DYNC1H1: variants seen among roughly 807,000 people sequenced by gnomAD.
DYNC1H1 encodes cytoplasmic dynein 1 heavy chain 1.
In DYNC1H1, 51 loss-of-function variants were observed where a neutral mutation model predicts 527.1. That is an observed-to-expected ratio of 0.10 (90% CI 0.08 to 0.12). DYNC1H1 has a LOEUF of 0.12. DYNC1H1 is among the 10% of genes least tolerant of loss of function. The pLI is 1.00. For synonymous variants in DYNC1H1, 2,189 were observed against 2,278.8 expected, an observed-to-expected ratio of 0.96 and a Z score of 1.12; for missense variants, 2,771 against 5,971.8, an observed-to-expected ratio of 0.46 and a Z score of 17.66.
rs2047796189 is a variant in DYNC1H1 at position 101,976,015 on chromosome 14, C to G, written c.344+216C>G. The stretch of plus-strand genomic sequence containing the variant: ...CTCTGCCTCCCGGGTTCAAGCAATT[C>G]TCCTGCCTCAGCCTTCCAGGTAGCT... On this transcript the variant is annotated intron_variant, in intron 2 of 77. Coordinates refer to ENST00000360184, the MANE Select transcript of DYNC1H1 (RefSeq NM_001376.5). Among the ~76,000 whole-genome samples the G allele has an allele frequency of 2.0e-5, 3 of 151,188 alleles. No individual in the cohort carries two copies. In the South Asian group the frequency reaches 6.3e-4, roughly 32 times the overall value.
In DYNC1H1 at chr14:102,048,570, C is replaced by G. The variant is rs1364644418; in HGVS notation, c.13273C>G (p.Gln4425Glu). Residue 4425 changes from glutamine (Q) to glutamate (E), a missense_variant, in exon 74 of 78, where the codon CAG (glutamine) becomes GAG (glutamate). Coordinates refer to ENST00000360184, the MANE Select transcript of DYNC1H1 (RefSeq NM_001376.5). The part of the protein sequence containing the change: ...REVKMGAKLL[Q>E]DVRQDLADVV... ...AGTGAAGATGGGCGCAAAGCTGCTT[C>G]AGGACGTTCGCCAGGACCTTGCAGA... 1 of 1,614,112 alleles carries G rather than the reference C, an allele frequency of 6.2e-7. No individual in the cohort carries two copies. Among genetic ancestry groups the G allele is most frequent in the Non-Finnish European group, 8.5e-7 (1 of 1,180,054 alleles).
At chr14:102,040,935 G>T in intron 64 of DYNC1H1, 1 of 540,700 alleles carries the variant, frequency 1.8e-6, no homozygotes, top group East Asian at 3.3e-5. Context: ...TCCAGCCTGG[G>T]CAGCAGACAG....
chr14:101,964,996 G>C lies in DYNC1H1; in HGVS notation c.256+49G>C. 6.5e-7 allele frequency: 1 copy of C among 1,549,956 alleles called. No homozygotes were observed. The highest frequency in any genetic ancestry group is 1.2e-5 in the South Asian group (1 of 84,822). On this transcript the variant is annotated intron_variant, in intron 1 of 77. Coordinates refer to ENST00000360184, the MANE Select transcript of DYNC1H1 (RefSeq NM_001376.5). This position sits in a 1 kb window ranked among gnomAD's most constrained non-coding sequence, Gnocchi z 5.5. The stretch of plus-strand genomic sequence containing the variant: ...TCGCCAGAGCCAGGCCTCGCGGAAT[G>C]CAGGGCCTGCCAGGTCCTCCGGGGT...
At position 102,048,600 on chromosome 14, in the gene DYNC1H1, G is replaced by T; in HGVS notation, c.13303G>T (p.Val4435Phe). ...QDVRQDLADV[V>F]QVCEGKKKQT... The stretch of plus-strand genomic sequence containing the variant: ...CGTTCGCCAGGACCTTGCAGATGTC[G>T]TCCAGGTGTGCGAAGGAAAGAAGAA... The change falls in exon 74 of 78, where the codon GTC becomes TTC. Residue 4435 changes from valine (V) to phenylalanine (F), a missense_variant. Physicochemically the swap from Val to Phe is conservative, Grantham distance 50 (BLOSUM62 -1). Around this residue, in one of 32 missense-constraint regions of DYNC1H1, gnomAD observed 170 missense variants for 249.8 expected, o/e 0.68. Transcript: ENST00000360184. 6.2e-7 allele frequency: 1 copy of T among 1,614,178 alleles called. No individual in the cohort carries two copies. The highest frequency in any genetic ancestry group is 8.5e-7 in the Non-Finnish European group (1 of 1,180,040).
In DYNC1H1 at chr14:102,032,201, G is replaced by T. The variant is rs559600247; in HGVS notation, c.9884-71G>T. 5.6e-6 allele frequency: 9 copies of T among 1,600,000 alleles called. No individual in the cohort carries two copies. In the East Asian group the frequency reaches 1.8e-4, roughly 32 times the overall value. ...GGAGTTGGAGCTCCTGGCTGTTTTG[G>T]TTCATTCTCACCATGCTTTGCTCTA... On this transcript the variant is annotated intron_variant, in intron 51 of 77. Coordinates refer to ENST00000360184, the MANE Select transcript of DYNC1H1 (RefSeq NM_001376.5).
chr14:101,973,539 G>T (rs998805834), intron 1 of DYNC1H1, among the ~76,000 whole-genome samples: 5 of 152,076 alleles, frequency 3.3e-5, no homozygotes, highest in African/African-American at 1.2e-4. Flanking sequence ...GGGGTTGGGC[G>T]CAATGACTCA....
chr14:102,050,685 C>G lies in DYNC1H1; in HGVS notation c.*122C>G. On this transcript the variant is annotated 3_prime_UTR_variant, in exon 78 of 78. Transcript: ENST00000360184. ...GTGGTTGGTCTGAGGTTGGAGGAAG[C>G]TGAATGGAATCTGACGGTTGGGAGT... 9 of 1,498,820 alleles carry G rather than the reference C, an allele frequency of 6.0e-6. No individual in the cohort carries two copies. Among genetic ancestry groups the G allele is most frequent in the Non-Finnish European group, 8.3e-6 (9 of 1,089,418 alleles). 92.8% of individuals were successfully genotyped at this position (1,498,820 alleles called of 1,614,324 possible). A position where few individuals can be genotyped will look rare whatever the true frequency, so the allele number is the denominator to read the frequency against.
intron 18 of DYNC1H1, 192 bp from the exon 19 acceptor site, chr14:102,000,762 C>T (rs369795770): frequency 3.5e-6 from 2 of 572,954 alleles, no homozygotes; most frequent in Non-Finnish European, 3.2e-6. Context: ...TTAGTAGAGA[C>T]AGGGTTTCTC....
At position 102,014,964 on chromosome 14, in the gene DYNC1H1, C is replaced by T. The variant is rs545767827; in HGVS notation, c.7015-141C>T. Reference sequence around the variant, plus strand: ...CCAAGTAGCTGCAATTACAGGCACACGCCACCATGCCTGGCTACTTTCTGT... The same window carrying T: ...CCAAGTAGCTGCAATTACAGGCACATGCCACCATGCCTGGCTACTTTCTGT... On this transcript the variant is annotated intron_variant, in intron 34 of 77. Coordinates refer to ENST00000360184, the MANE Select transcript of DYNC1H1 (RefSeq NM_001376.5). 500 of 931,000 alleles carry T rather than the reference C, an allele frequency of 5.4e-4. 5 individuals carry two copies. In the African/African-American group the frequency reaches 6.9e-3, roughly 13 times the overall value. The allele number at this position is 931,000 out of a possible 1,614,324, so 57.7% of individuals were successfully genotyped here.
In DYNC1H1 at chr14:102,036,176, T is replaced by G; in HGVS notation, c.10755-313T>G. 1 of 360,788 alleles carries G rather than the reference T, an allele frequency of 2.8e-6. No homozygotes were observed. The highest frequency in any genetic ancestry group is 5.4e-6 in the Non-Finnish European group (1 of 186,726). 22.3% of individuals were successfully genotyped at this position (360,788 alleles called of 1,614,324 possible). ...GTGCTGTCTAGAAGGATCGTAAACA[T>G]GAAAAAGCTATTCTAACAGTGCAGG... On this transcript the variant is annotated intron_variant, in intron 56 of 77. Transcript: ENST00000360184. The surrounding 1 kb of genome is among the most constrained non-coding windows in gnomAD (Gnocchi z 5.6).
chr14:102,043,191 GAGAATCGCTTGA>G, intron 69 of DYNC1H1: 1 of 295,804 alleles, frequency 3.4e-6, no homozygotes, highest in African/African-American at 2.2e-5. Context: ...GCTGAGGCAG[GAGAATCGCTTGA>G]ACCCAGGAGG....
chr14:102,040,989 A>AT (rs1197928025), intron 64 of DYNC1H1: 2 of 450,066 alleles, frequency 4.4e-6, no homozygotes, highest in African/African-American at 4.0e-5. Flanking sequence ...CAAGATAAGT[A>AT]TTTCAATGTT....
chr14:101,999,842 T>G (rs1300202243), intron 16 of DYNC1H1, 147 bp from the exon 17 acceptor site: 1 of 1,097,858 alleles, frequency 9.1e-7, no homozygotes, highest in Non-Finnish European at 1.3e-6. Flanking sequence ...AAAGTGGACA[T>G]CTTGTTGAAT....
In DYNC1H1 at chr14:102,052,154, G is replaced by C. The variant is rs1011862250; in HGVS notation, c.*1591G>C. 12 of 150,020 alleles carry C rather than the reference G, an allele frequency of 8.0e-5. No individual in the cohort carries two copies. Among genetic ancestry groups the C allele is most frequent in the African/African-American group, 2.9e-4 (12 of 40,698 alleles). 9.3% of individuals were successfully genotyped at this position (150,020 alleles called of 1,614,324 possible). ...CTAAACACATGTTTTTCTTTTTAGAGACAGGGTCTCACTCGGTTGCCCAGG... is the reference window on the plus strand; with the variant it reads ...CTAAACACATGTTTTTCTTTTTAGACACAGGGTCTCACTCGGTTGCCCAGG... On this transcript the variant is annotated 3_prime_UTR_variant, in exon 78 of 78. Coordinates refer to ENST00000360184, the MANE Select transcript of DYNC1H1 (RefSeq NM_001376.5).
rs913812889 is a variant in DYNC1H1 at position 102,056,023 on chromosome 14, G to C, written c.*5460G>C. 4.6e-5 allele frequency: 7 copies of C among 152,210 alleles called. No individual in the cohort carries two copies. The highest frequency in any genetic ancestry group is 2.1e-4 in the South Asian group (1 of 4,830). The allele number at this position is 152,210 out of a possible 1,614,324, so 9.4% of individuals were successfully genotyped here. A position where few individuals can be genotyped will look rare whatever the true frequency, so the allele number is the denominator to read the frequency against. On this transcript the variant is annotated 3_prime_UTR_variant, in exon 78 of 78. Transcript: ENST00000360184. ...ACACAGCCTCAGGAGGTCCTGACTG[G>C]GGGGAGAGAGACCCTCTCATATTGT...
chr14:101,977,952 T>G (rs1420284055), intron 2 of DYNC1H1, among the ~76,000 whole-genome samples: 7 of 152,342 alleles, frequency 4.6e-5, no homozygotes, highest in African/African-American at 1.7e-4. Flanking sequence ...AGTGGGGCAA[T>G]CTTAGCTCAC....
Position 102,027,515 on chromosome 14 carries a change from C to T in DYNC1H1, c.9019C>T (p.Arg3007Ter). The change falls in exon 46 of 78, where the codon CGA becomes TGA. Residue 3007 changes from arginine (R) to a stop codon, truncating the protein, a stop_gained. Transcript: ENST00000360184. LOFTEE classifies it high-confidence loss of function. This position sits in a 1 kb window ranked among gnomAD's most constrained non-coding sequence, Gnocchi z 7.7. ...SNVLDSGFLERMNTLLANGEV... is the reference protein window; with the variant it reads ...SNVLDSGFLE ...TGTGTTAGATTCTGGATTCCTGGAG[C>T]GAATGAATACCCTTCTGGCCAATGG... 6.2e-7 allele frequency: 1 copy of T among 1,614,068 alleles called. No homozygotes were observed. The highest frequency in any genetic ancestry group is 8.5e-7 in the Non-Finnish European group (1 of 1,180,010).
chr14:102,006,733 G>A (rs1294590794), intron 27 of DYNC1H1, among the ~76,000 whole-genome samples: 2 of 151,598 alleles, frequency 1.3e-5, no homozygotes, highest in African/African-American at 2.4e-5. Flanking sequence ...CCAAGTAGCT[G>A]GGACTACAGG....
At chr14:102,006,934 A>G (rs2048204070) in intron 27 of DYNC1H1, 74 bp from the exon 28 acceptor site, 1 of 1,517,158 alleles carries the variant, frequency 6.6e-7, no homozygotes, top group Admixed American at 1.7e-5. Flanking sequence ...TGCTTTTTGT[A>G]GTTCTTTTAA....
Sources: gnomAD v4.1 joint callset for allele counts (sites outside exome capture counted in the v4.1 genomes callset) on GRCh38, gnomAD v4.1.1 for gene constraint, gnomAD v4.1.1 regional missense constraint, Gnocchi (gnomAD v3.1) non-coding constraint, MANE v1.5 for transcripts, NCBI Gene and HGNC (gene_info 2026-07-23, HGNC 2026-07-21) for gene names.